CARM1: variants seen among roughly 807,000 people sequenced by gnomAD.
The protein encoded by CARM1 is coactivator associated arginine methyltransferase 1, also known as histone-arginine methyltransferase CARM1.
CARM1 carries 14 observed loss-of-function variants against 72.7 expected under a neutral mutation model. The ratio of observed to expected loss-of-function variants is 0.19; its 90% CI spans 0.13 to 0.30. CARM1 has a LOEUF of 0.30. Among genes scored for constraint, CARM1 ranks in the 10% least tolerant of loss-of-function variants. The pLI is 1.00. For synonymous variants in CARM1, 333 were observed against 345.5 expected (o/e 0.96, Z 0.40); for missense variants, 432 against 833.7 (o/e 0.52, Z 5.93).
At chr19:10,875,651 C>G (rs191995438) in intron 1 of CARM1, among the ~76,000 whole-genome samples, 6 of 152,168 alleles carry the variant, frequency 3.9e-5, no homozygotes, top group African/African-American at 1.4e-4. Flanking sequence ...GTCTCCATCT[C>G]CTGACCTCGT....
At chr19:10,897,390 A>G (rs1423521139) in intron 1 of CARM1, among the ~76,000 whole-genome samples, 1 of 152,132 alleles carries the variant, frequency 6.6e-6, no homozygotes, top group Non-Finnish European at 1.5e-5. Context: ...GGCCTGGCTC[A>G]TGGCAGCTGG....
chr19:10,885,787 G>C (rs1366342149), intron 1 of CARM1, among the ~76,000 whole-genome samples: 1 of 151,944 alleles, frequency 6.6e-6, no homozygotes, highest in Non-Finnish European at 1.5e-5. Context: ...CTAGATGCAG[G>C]ATGATGGGAT....
chr19:10,909,937 T>A (rs745505780), intron 4 of CARM1, among the ~76,000 whole-genome samples: 2 of 152,032 alleles, frequency 1.3e-5, no homozygotes, highest in Non-Finnish European at 2.9e-5. Context: ...ACAATTATTT[T>A]ATTGAGCTGG....
chr19:10,893,986 C>T (rs1185010755), intron 1 of CARM1, among the ~76,000 whole-genome samples: 1 of 152,140 alleles, frequency 6.6e-6, no homozygotes, highest in Non-Finnish European at 1.5e-5. Flanking sequence ...GTCATCTCTG[C>T]CGCCTCTTGG....
chr19:10,882,695 C>T (rs1041395817), intron 1 of CARM1, among the ~76,000 whole-genome samples: 2 of 152,048 alleles, frequency 1.3e-5, no homozygotes, highest in Non-Finnish European at 2.9e-5. Context: ...GCATGTGACA[C>T]CATGCCCGGC....
chr19:10,901,864 G>A (rs961847903), intron 1 of CARM1, among the ~76,000 whole-genome samples: 6 of 151,798 alleles, frequency 4.0e-5, no homozygotes, highest in South Asian at 2.1e-4. Flanking sequence ...TCGCTTGAAC[G>A]CAGCTACTCA....
At chr19:10,876,593 CTG>C (rs1351582531) in intron 1 of CARM1, among the ~76,000 whole-genome samples, 2 of 152,260 alleles carry the variant, frequency 1.3e-5, no homozygotes, top group African/African-American at 4.8e-5. Context: ...CTCTGTCACT[CTG>C]TAGTGAACAG....
chr19:10,909,420 G>A (rs1325029276), intron 4 of CARM1, among the ~76,000 whole-genome samples: 1 of 151,992 alleles, frequency 6.6e-6, no homozygotes, highest in Non-Finnish European at 1.5e-5. Context: ...GACAGAGCGA[G>A]ACTCTTGTCT....
At chr19:10,894,544 C>T (rs1487073332) in intron 1 of CARM1, among the ~76,000 whole-genome samples, 3 of 152,108 alleles carry the variant, frequency 2.0e-5, no homozygotes, top group Admixed American at 6.6e-5. Context: ...TGGACAACGG[C>T]TTCTACAGCT....
In CARM1 at chr19:10,896,110, CTG is replaced by C. The variant is rs1003704387; in HGVS notation, c.221-8838_221-8837del. Among the ~76,000 whole-genome samples, 1 of 152,034 alleles carries C rather than the reference CTG, an allele frequency of 6.6e-6. No individual in the cohort carries two copies. The highest frequency in any genetic ancestry group is 1.5e-5 in the Non-Finnish European group (1 of 67,998). On this transcript the variant is annotated intron_variant, in intron 1 of 15. Transcript: ENST00000327064. The surrounding 1 kb of genome is among the most constrained non-coding windows in gnomAD (Gnocchi z 5.2). ...TGAAGCAGGCGGGTTGTGTTAGACA[CTG>C]TGCGGCTTGAAGGGTGGACTGGGAG...
rs957166431 is a variant in CARM1, at chr19:10,920,029, A to C, written c.1196+63A>C. Reference sequence around the variant, plus strand: ...ACTCCCAGGGCTTCCTGCAGCTGCAACCTGGCTGGGGGGGTGGAACATGGC... The same window carrying C: ...ACTCCCAGGGCTTCCTGCAGCTGCACCCTGGCTGGGGGGGTGGAACATGGC... On this transcript the variant is annotated intron_variant, in intron 10 of 15. Transcript: ENST00000327064. The surrounding 1 kb of genome is among the most constrained non-coding windows in gnomAD (Gnocchi z 5.3). 8.4e-6 allele frequency: 11 copies of C among 1,311,552 alleles called. No homozygotes were observed. In the African/African-American group the frequency reaches 1.6e-4, roughly 19 times the overall value. 81.2% of individuals were successfully genotyped at this position (1,311,552 alleles called of 1,614,324 possible).
At position 10,915,005 on chromosome 19, in the gene CARM1, C is replaced by T. The variant is rs1389677539; in HGVS notation, c.847+951C>T. Among the ~76,000 whole-genome samples the T allele has an allele frequency of 6.6e-6, 1 of 152,196 alleles. No individual in the cohort carries two copies. Among genetic ancestry groups the T allele is most frequent in the Non-Finnish European group, 1.5e-5 (1 of 68,044 alleles). ...AGCTGTGTGTGCGTGTGGCAGGGTA[C>T]AGGTCCCCAGCCAGGGTAGCAGCCA... On this transcript the variant is annotated intron_variant, in intron 6 of 15. Transcript: ENST00000327064. The surrounding 1 kb of genome is among the most constrained non-coding windows in gnomAD (Gnocchi z 4.6).
rs200628840 is a variant in CARM1, at chr19:10,909,165, C to T, written c.516C>T (p.Tyr172=). The change falls in exon 4 of 16, where the codon TAC becomes TAT. Residue 172 remains tyrosine, a synonymous_variant. Transcript: ENST00000327064. ...MMQDYVRTGT[Y]QRAILQNHTD... The stretch of plus-strand genomic sequence containing the variant: ...AGGACTACGTGCGGACAGGCACCTA[C>T]CAGCGCGCCATCCTGCAAAACCACA... The T allele has an allele frequency of 5.9e-5, 95 of 1,613,772 alleles. No homozygotes were observed. The highest frequency in any genetic ancestry group is 7.0e-5 in the Non-Finnish European group (83 of 1,179,866).
At chr19:10,877,144 G>A (rs1244969930) in intron 1 of CARM1, among the ~76,000 whole-genome samples, 1 of 152,006 alleles carries the variant, frequency 6.6e-6, no homozygotes, top group Non-Finnish European at 1.5e-5. Context: ...CTGGGGCAGG[G>A]GTATAGAAGA....
chr19:10,893,312 C>T (rs1272122147), intron 1 of CARM1, among the ~76,000 whole-genome samples: 1 of 152,146 alleles, frequency 6.6e-6, no homozygotes, highest in African/African-American at 2.4e-5. Flanking sequence ...GCTGGGATTA[C>T]AGGCGTGAGC....
In CARM1 at chr19:10,921,802, C is replaced by T. The variant is rs1054023083; in HGVS notation, c.*45C>T. On this transcript the variant is annotated 3_prime_UTR_variant, in exon 16 of 16. Transcript: ENST00000327064. ...ACAGCACCAGGAAACCAAATGATGT[C>T]CCTGCCCGCCGCCCCCGCCGGGCGG... The T allele has an allele frequency of 7.8e-6, 12 of 1,538,126 alleles. No homozygotes were observed. The highest frequency in any genetic ancestry group is 1.7e-4 in the Middle Eastern group (1 of 5,758).
At chr19:10,879,270 T>C (rs2073884723) in intron 1 of CARM1, among the ~76,000 whole-genome samples, 1 of 152,234 alleles carries the variant, frequency 6.6e-6, no homozygotes, top group South Asian at 2.1e-4. Context: ...CGGTAGCTGA[T>C]GCAAGGTGCT....
chr19:10,888,036 G>T (rs949518945), intron 1 of CARM1, among the ~76,000 whole-genome samples: 1 of 152,188 alleles, frequency 6.6e-6, no homozygotes, highest in Non-Finnish European at 1.5e-5. Flanking sequence ...GGGTCTTCTT[G>T]CCGCTCCATG....
intron 1 of CARM1, among the ~76,000 whole-genome samples, chr19:10,889,789 A>G (rs1280247259): frequency 1.3e-5 from 2 of 152,112 alleles, no homozygotes; most frequent in African/African-American, 4.8e-5. Flanking sequence ...TTTTCTCATG[A>G]AATATTTTTG....
Sources: gnomAD v4.1 joint callset for allele counts (sites outside exome capture counted in the v4.1 genomes callset) on GRCh38, gnomAD v4.1.1 for gene constraint, Gnocchi (gnomAD v3.1) non-coding constraint, MANE v1.5 for transcripts, NCBI Gene and HGNC (gene_info 2026-07-23, HGNC 2026-07-21) for gene names.